SGSM2: variants seen among roughly 807,000 people sequenced by gnomAD.
SGSM2 encodes RUN and TBC1 domain containing 1.
A neutral mutation model predicts 126.6 loss-of-function variants in SGSM2; 89 were observed. The observed-to-expected ratio is 0.70, with a 90% CI of 0.59 to 0.84. The LOEUF (loss-of-function observed/expected upper bound fraction) is 0.84. SGSM2 is among the 40% of genes least tolerant of loss of function. The pLI is 0.00. For missense variants in SGSM2, 1,404 were observed against 1,416.6 expected, an observed-to-expected ratio of 0.99 and a Z score of 0.14; for synonymous variants, 614 against 574.3, an observed-to-expected ratio of 1.07 and a Z score of -0.99.
chr17:2,371,404 C>T lies in SGSM2; in HGVS notation c.1566C>T (p.Cys522=), dbSNP rs1458811321. The change falls in exon 13 of 24, where the codon TGC becomes TGT. Residue 522 remains cysteine (C), a synonymous_variant. Transcript: ENST00000268989. The stretch of plus-strand genomic sequence containing the variant: ...ATGCAACCCCCAGCCACTGTAGCTG[C>T]ATCCCCGACCGGTGAGTGGGCAGCG... ...SPHATPSHCS[C]IPDRLPLRLL... 2.5e-6 allele frequency: 4 copies of T among 1,600,602 alleles called. No individual in the cohort carries two copies. Among genetic ancestry groups the T allele is most frequent in the Non-Finnish European group, 3.4e-6 (4 of 1,173,004 alleles).
intron 23 of SGSM2, 98 bp downstream of exon 23, chr17:2,379,301 G>A (rs1200874268): frequency 6.4e-7 from 1 of 1,566,688 alleles, no homozygotes; most frequent in Admixed American, 1.7e-5. Flanking sequence ...GGAATCCTGG[G>A]GGCCCTTCCC....
At position 2,375,438 on chromosome 17, in the gene SGSM2, G is replaced by T. The variant is rs1205656735; in HGVS notation, c.2101-54G>T. 3.9e-6 allele frequency: 6 copies of T among 1,541,594 alleles called. No homozygotes were observed. In the South Asian group the frequency reaches 7.5e-5, roughly 19 times the overall value. ...TCCCTTCTGGCCCGAGGAGGCGGTG[G>T]GCTGCGGGAAGGTGCTGGAGTGCAG... On this transcript the variant is annotated intron_variant, in intron 17 of 23. Transcript: ENST00000268989.
chr17:2,370,076 G>A (rs964045524), intron 12 of SGSM2, among the ~76,000 whole-genome samples: 1 of 152,200 alleles, frequency 6.6e-6, no homozygotes, highest in Admixed American at 6.5e-5. Flanking sequence ...CCCAGAGCTG[G>A]AGTCCAGCTC....
rs2066128476 is a variant in SGSM2 at position 2,376,027 on chromosome 17, C to T, written c.2485-110C>T. The T allele has an allele frequency of 2.6e-6, 4 of 1,554,798 alleles. No homozygotes were observed. In the South Asian group the frequency reaches 4.8e-5, roughly 19 times the overall value. On this transcript the variant is annotated intron_variant, in intron 18 of 23. Transcript: ENST00000268989. ...CATTTCTCAGCATCCCCACAGGACT[C>T]GCTCTGGTCTCTGGGTTCCGTTTTG... is the stretch of plus-strand genomic sequence containing the variant.
At chr17:2,376,303 G>GCCACGCACTCGCTC in intron 19 of SGSM2, 42 bp downstream of exon 19, 1 of 1,610,912 alleles carries the variant, frequency 6.2e-7, no homozygotes, top group Non-Finnish European at 8.5e-7. Context: ...GCGGGACCCT[G>GCCACGCACTCGCTC]CCGCCAGTTA....
At chr17:2,370,678 C>T (rs2065826191) in intron 12 of SGSM2, among the ~76,000 whole-genome samples, 1 of 152,240 alleles carries the variant, frequency 6.6e-6, no homozygotes, top group Admixed American at 6.5e-5. Flanking sequence ...CTGGCCTGGG[C>T]ACGGGGCACT....
chr17:2,359,476 C>T (rs1447284045), intron 2 of SGSM2, among the ~76,000 whole-genome samples: 1 of 152,186 alleles, frequency 6.6e-6, no homozygotes, highest in Non-Finnish European at 1.5e-5. Context: ...TCCCCAGACA[C>T]TGCCTGGCAC....
At chr17:2,348,978 G>A (rs2064725898) in intron 2 of SGSM2, among the ~76,000 whole-genome samples, 2 of 151,706 alleles carry the variant, frequency 1.3e-5, no homozygotes, top group Admixed American at 6.6e-5. Context: ...TGCCCAGGCT[G>A]GTCTCAAACT....
chr17:2,362,034 C>T lies in SGSM2; in HGVS notation c.297-75C>T. 6.6e-7 allele frequency: 1 copy of T among 1,523,594 alleles called. No individual in the cohort carries two copies. Among genetic ancestry groups the T allele is most frequent in the South Asian group, 1.2e-5 (1 of 80,168 alleles). 94.4% of individuals were successfully genotyped at this position (1,523,594 alleles called of 1,614,324 possible). On this transcript the variant is annotated intron_variant, in intron 3 of 23. Coordinates refer to ENST00000268989, the MANE Select transcript of SGSM2 (RefSeq NM_014853.3). The surrounding 1 kb of genome is among the most constrained non-coding windows in gnomAD (Gnocchi z 4.9). Reference sequence around the variant, plus strand: ...TGTGCTCCCATCTTGGGGTACCAAGCCCCACTCCCAATGCCAGCATTCTGG... The same window carrying T: ...TGTGCTCCCATCTTGGGGTACCAAGTCCCACTCCCAATGCCAGCATTCTGG...
At position 2,362,150 on chromosome 17, in the gene SGSM2, G is replaced by A. The variant is rs760768646; in HGVS notation, c.338G>A (p.Gly113Asp). ...AGCCAGGAGGCCCTGCGGAGACAGG[G>A]CTCAGCCAGCGGGAAGGCCCCGGCC... Reference protein sequence around the residue: ...GVSQEALRRQGSASGKAPALS... With the variant: ...GVSQEALRRQDSASGKAPALS... The change falls in exon 4 of 24, where the codon GGC (glycine) becomes GAC (aspartate). Residue 113 changes from glycine (G) to aspartate (D), a missense_variant. Physicochemically the swap from Gly to Asp is moderately conservative, Grantham distance 94 (BLOSUM62 -1). Transcript: ENST00000268989. The surrounding 1 kb of genome is among the most constrained non-coding windows in gnomAD (Gnocchi z 4.9). 12 of 1,613,680 alleles carry A rather than the reference G, an allele frequency of 7.4e-6. No individual in the cohort carries two copies. The Admixed American group carries it at 1.8e-4, about 25-fold the overall frequency.
At position 2,379,144 on chromosome 17, in the gene SGSM2, A is replaced by G; in HGVS notation, c.3008A>G (p.Tyr1003Cys). ...ATCGCCCTCGCCCTGGTGGAGGCCT[A>G]CCGAGAGATCATCCGTGACAACAAC... ...LFIALALVEA[Y>C]REIIRDNNMD... is the part of the protein sequence containing the mutation. The change falls in exon 23 of 24, where the codon TAC becomes TGC. Residue 1003 changes from tyrosine (Y) to cysteine (C), a missense_variant. Coordinates refer to ENST00000268989, the MANE Select transcript of SGSM2 (RefSeq NM_014853.3). The G allele has an allele frequency of 2.5e-6, 4 of 1,614,160 alleles. No individual in the cohort carries two copies. The highest frequency in any genetic ancestry group is 1.1e-5 in the South Asian group (1 of 91,082).
In SGSM2 at chr17:2,373,058, A is replaced by T. The variant is rs373069509; in HGVS notation, c.1894A>T (p.Met632Leu). Residue 632 changes from methionine (M) to leucine (L), a missense_variant, in exon 16 of 24, where the codon ATG (methionine) becomes TTG (leucine). By Grantham distance (15) the Met-to-Leu change is conservative. Coordinates refer to ENST00000268989, the MANE Select transcript of SGSM2 (RefSeq NM_014853.3). ...PFLLGHYKFG[M>L]SKKEMEQVDA... ...TCTGCTTGGCCACTACAAGTTCGGC[A>T]TGAGCAAGAAGGAGATGGAGCAGGT... 1.2e-6 allele frequency: 2 copies of T among 1,610,478 alleles called. No homozygotes were observed. Among genetic ancestry groups the T allele is most frequent in the African/African-American group, 1.3e-5 (1 of 74,654 alleles).
intron 21 of SGSM2, chr17:2,377,584 G>C (rs1412326488): frequency 9.8e-6 from 3 of 306,226 alleles, no homozygotes; most frequent in Non-Finnish European, 1.8e-5. Flanking sequence ...GAACAGTAGG[G>C]GTTGCTGATG....
chr17:2,338,451 A>G (rs1370485335), intron 1 of SGSM2, among the ~76,000 whole-genome samples: 1 of 152,128 alleles, frequency 6.6e-6, no homozygotes, highest in African/African-American at 2.4e-5. Flanking sequence ...GGTGGGGGGC[A>G]GTGACCATGT....
chr17:2,340,826 C>T (rs575928338), intron 1 of SGSM2, among the ~76,000 whole-genome samples: 32 of 151,990 alleles, frequency 2.1e-4, no homozygotes, highest in South Asian at 6.2e-4. Context: ...CCTCGTGATC[C>T]GCCCACCTTG....
chr17:2,363,698 A>G lies in SGSM2; in HGVS notation c.807+99A>G. ...TATTCCTTTCCTGAGGAGCTTGACCAGAGACGGGGGGGAGAATGGCCCCAG... is the reference window on the plus strand; with the variant it reads ...TATTCCTTTCCTGAGGAGCTTGACCGGAGACGGGGGGGAGAATGGCCCCAG... On this transcript the variant is annotated intron_variant, in intron 7 of 23. Coordinates refer to ENST00000268989, the MANE Select transcript of SGSM2 (RefSeq NM_014853.3). The surrounding 1 kb of genome is among the most constrained non-coding windows in gnomAD (Gnocchi z 4.2). The G allele has an allele frequency of 6.7e-7, 1 of 1,499,496 alleles. No homozygotes were observed. The highest frequency in any genetic ancestry group is 1.3e-5 in the South Asian group (1 of 78,126). The allele number at this position is 1,499,496 out of a possible 1,614,324, so 92.9% of individuals were successfully genotyped here. A position where few individuals can be genotyped will look rare whatever the true frequency, so the allele number is the denominator to read the frequency against.
In SGSM2 at chr17:2,373,421, C is replaced by T. The variant is rs778858838; in HGVS notation, c.2008C>T (p.His670Tyr). 3.7e-6 allele frequency: 6 copies of T among 1,611,732 alleles called. No homozygotes were observed. Among genetic ancestry groups the T allele is most frequent in the South Asian group, 3.3e-5 (3 of 91,072 alleles). The change falls in exon 17 of 24, where the codon CAC (histidine) becomes TAC (tyrosine). Residue 670 changes from histidine (H) to tyrosine (Y), a missense_variant. By Grantham distance (83) the His-to-Tyr change is moderately conservative. Coordinates refer to ENST00000268989, the MANE Select transcript of SGSM2 (RefSeq NM_014853.3). ...GGTGAGGCAGCGGGAGCGGGAGGCC[C>T]ACCCAGCCACACGCACCAAGTTCTC... ...VVVRQREREA[H>Y]PATRTKFSSG...
In SGSM2 at chr17:2,364,061, G is replaced by T; in HGVS notation, c.810G>T (p.Lys270Asn). The T allele has an allele frequency of 1.9e-6, 3 of 1,614,076 alleles. No homozygotes were observed. The highest frequency in any genetic ancestry group is 2.5e-6 in the Non-Finnish European group (3 of 1,180,010). Reference protein sequence around the residue: ...YGKNHVLVQPKEDMEAVPGYL... With the variant: ...YGKNHVLVQPNEDMEAVPGYL... ...TCTTCCGGTGTCTCCCGCTGTAGAA[G>T]GAGGATATGGAGGCGGTCCCTGGCT... The change falls in exon 8 of 24, where the codon AAG (lysine) becomes AAT (asparagine). Residue 270 changes from lysine to asparagine, a missense_variant and splice_region_variant. Transcript: ENST00000268989.
intron 2 of SGSM2, among the ~76,000 whole-genome samples, chr17:2,349,506 A>G (rs1404278013): frequency 6.6e-6 from 1 of 152,196 alleles, no homozygotes; most frequent in Admixed American, 6.5e-5. Flanking sequence ...CAGGAACTCA[A>G]TAAGGAAATT....
Sources: gnomAD v4.1 joint callset for allele counts (sites outside exome capture counted in the v4.1 genomes callset) on GRCh38, gnomAD v4.1.1 for gene constraint, Gnocchi (gnomAD v3.1) non-coding constraint, MANE v1.5 for transcripts, NCBI Gene and HGNC (gene_info 2026-07-23, HGNC 2026-07-21) for gene names.